LIPN: variants seen among roughly 807,000 people sequenced by gnomAD.
The protein encoded by LIPN is lipase family member N, also known as lipase member N.
Under a neutral mutation model 43.7 loss-of-function variants are expected in LIPN, and 32 were observed. That is an observed-to-expected ratio of 0.73 (90% CI 0.55 to 0.98). The LOEUF is 0.98. Among genes scored for constraint, LIPN ranks in the 50% least tolerant of loss-of-function variants. The pLI, the probability that LIPN is intolerant of heterozygous loss-of-function variation, is 0.00. For synonymous variants in LIPN, 156 were observed against 157.6 expected (o/e 0.99, Z 0.08); for missense variants, 505 against 483.8 (o/e 1.04, Z -0.41).
At chr10:88,776,330 T>G (rs1482625109) in intron 9 of LIPN, among the ~76,000 whole-genome samples, 1 of 151,948 alleles carries the variant, frequency 6.6e-6, no homozygotes, top group Non-Finnish European at 1.5e-5. Context: ...TTTACATATG[T>G]CTGTTTTCTT....
At chr10:88,764,654 TA>T (rs764060260) in intron 4 of LIPN, 46 bp downstream of exon 4, 83 of 1,374,236 alleles carry the variant, frequency 6.0e-5, no homozygotes, top group South Asian at 8.4e-5. Flanking sequence ...GGAGGCAATT[TA>T]AAAAAAATAA....
At chr10:88,770,455 TG>T (rs5786836) in intron 6 of LIPN, among the ~76,000 whole-genome samples, 58,494 of 151,518 alleles carry the variant, frequency 0.39, 11,531 homozygotes, top group Middle Eastern at 0.55. Flanking sequence ...AAGCACTGAC[TG>T]GGCAGAATAC....
chr10:88,770,664 G>A (rs1428588960), intron 6 of LIPN, among the ~76,000 whole-genome samples, 181 bp from the exon 7 acceptor site: 1 of 151,856 alleles, frequency 6.6e-6, no homozygotes, highest in Non-Finnish European at 1.5e-5. Context: ...TGAAAGAAAT[G>A]TCAAGAAGTC....
intron 5 of LIPN, among the ~76,000 whole-genome samples, 152 bp from the exon 6 acceptor site, chr10:88,768,640 A>T (rs1027327401): frequency 6.6e-6 from 1 of 151,910 alleles, no homozygotes; most frequent in Non-Finnish European, 1.5e-5. Context: ...CTGAAGGCAG[A>T]TTATCTTTAT....
intron 5 of LIPN, among the ~76,000 whole-genome samples, chr10:88,767,327 A>C (rs1296669400): frequency 6.6e-6 from 1 of 151,892 alleles, no homozygotes; most frequent in East Asian, 1.9e-4. Flanking sequence ...CAAAGAACTC[A>C]TAGGAGATCA....
At chr10:88,763,641 T>A (rs1843039864) in intron 3 of LIPN, among the ~76,000 whole-genome samples, 1 of 152,052 alleles carries the variant, frequency 6.6e-6, no homozygotes, top group Non-Finnish European at 1.5e-5. Context: ...CCAGGCATGC[T>A]GGCTCCAGAG....
At chr10:88,765,902 G>A (rs1360227066) in intron 4 of LIPN, among the ~76,000 whole-genome samples, 1 of 151,980 alleles carries the variant, frequency 6.6e-6, no homozygotes, top group South Asian at 2.1e-4. Context: ...TTCCAAAGAT[G>A]GGTATTAAAT....
At chr10:88,774,623 G>A (rs2092896428) in intron 8 of LIPN, 79 bp downstream of exon 8, 2 of 1,174,054 alleles carry the variant, frequency 1.7e-6, no homozygotes, top group Non-Finnish European at 1.3e-6. Flanking sequence ...CCTGTTAACA[G>A]GCCTACCCTA....
chr10:88,769,664 G>A, intron 6 of LIPN: 1 of 713,938 alleles, frequency 1.4e-6, no homozygotes, highest in Non-Finnish European at 1.7e-6. Flanking sequence ...AGACCAGTTA[G>A]AATATCAAAA....
At chr10:88,775,501 T>C (rs1318284428) in intron 9 of LIPN, among the ~76,000 whole-genome samples, 1 of 151,950 alleles carries the variant, frequency 6.6e-6, no homozygotes, top group Non-Finnish European at 1.5e-5. Flanking sequence ...AGATAACTAA[T>C]ATAACTGAGG....
intron 5 of LIPN, among the ~76,000 whole-genome samples, chr10:88,768,247 G>A (rs1288066951): frequency 6.6e-6 from 1 of 151,898 alleles, no homozygotes; most frequent in Non-Finnish European, 1.5e-5. Flanking sequence ...GCTAGGGAAA[G>A]CCCCTTTCTT....
chr10:88,773,448 CCTTT>C (rs1288443365), intron 7 of LIPN, among the ~76,000 whole-genome samples: 1 of 151,806 alleles, frequency 6.6e-6, no homozygotes, highest in African/African-American at 2.4e-5. Flanking sequence ...TTCATGTGTT[CCTTT>C]CTTTGTGGGT....
intron 7 of LIPN, 62 bp from the exon 8 acceptor site, chr10:88,774,411 C>A: frequency 9.4e-7 from 1 of 1,066,866 alleles, no homozygotes; most frequent in Non-Finnish European, 1.4e-6. Context: ...TCATTTTTCT[C>A]TGATTCTGAA....
At chr10:88,758,670 G>T (rs1264652683), upstream of LIPN, among the ~76,000 whole-genome samples, 1 of 151,432 alleles carries the variant, frequency 6.6e-6, no homozygotes, top group African/African-American at 2.4e-5. Context: ...GAGTGATGGA[G>T]CATTGTGAGA....
rs773200051 is a variant in LIPN, at chr10:88,762,227, T to A, written c.148T>A (p.Tyr50Asn). 1.2e-6 allele frequency: 2 copies of A among 1,608,532 alleles called. No individual in the cohort carries two copies. Among genetic ancestry groups the A allele is most frequent in the Admixed American group, 3.4e-5 (2 of 59,442 alleles). Residue 50 changes from tyrosine to asparagine, a missense_variant, in exon 3 of 10, where the codon TAT becomes AAT. Tyr to Asn is a moderately radical substitution (Grantham distance 143). Transcript: ENST00000404459. ...CTACAATGGCTACCCCAGTGAAGAGTATGAAGTCACCACTGAAGATGGGTA... is the reference window on the plus strand; with the variant it reads ...CTACAATGGCTACCCCAGTGAAGAGAATGAAGTCACCACTGAAGATGGGTA... Reference protein sequence around the residue: ...IIYNGYPSEEYEVTTEDGYIL... With the variant: ...IIYNGYPSEENEVTTEDGYIL...
chr10:88,772,443 T>C (rs1843225252), intron 7 of LIPN, among the ~76,000 whole-genome samples: 1 of 151,938 alleles, frequency 6.6e-6, no homozygotes, highest in African/African-American at 2.4e-5. Context: ...TGGCAAGAGA[T>C]AGAGATCTAA....
At chr10:88,770,708 T>C (rs1046946446) in intron 6 of LIPN, 137 bp from the exon 7 acceptor site, 154 of 520,954 alleles carry the variant, frequency 3.0e-4, no homozygotes, top group Non-Finnish European at 4.6e-4. Context: ...TTTTTTGCTA[T>C]TGCTATTTGG....
Position 88,778,052 on chromosome 10 carries a change from C to A in LIPN, c.1007C>A (p.Thr336Asn). The A allele has an allele frequency of 6.2e-7, 1 of 1,613,510 alleles. No homozygotes were observed. The highest frequency in any genetic ancestry group is 8.5e-7 in the Non-Finnish European group (1 of 1,179,638). ...GACCTGACTGCCATGAAAGTGCCTA[C>A]TGCTATTTGGGCTGGTGGACATGAT... is the stretch of plus-strand genomic sequence containing the variant. Reference protein sequence around the residue: ...IYDLTAMKVPTAIWAGGHDVL... With the variant: ...IYDLTAMKVPNAIWAGGHDVL... Residue 336 changes from threonine (T) to asparagine (N), a missense_variant, in exon 10 of 10, where the codon ACT becomes AAT. Physicochemically the swap from Thr to Asn is moderately conservative, Grantham distance 65. Coordinates refer to ENST00000404459, the MANE Select transcript of LIPN (RefSeq NM_001102469.2).
intron 7 of LIPN, among the ~76,000 whole-genome samples, chr10:88,772,784 T>C (rs1409584427): frequency 6.6e-6 from 1 of 151,522 alleles, no homozygotes; most frequent in African/African-American, 2.4e-5. Context: ...AACAAATTCA[T>C]TAAATTTGCA....
Sources: allele counts gnomAD v4.1 joint callset (sites outside exome capture counted in the v4.1 genomes callset), GRCh38; gene constraint gnomAD v4.1.1; transcripts MANE v1.5; gene names NCBI Gene and HGNC (gene_info 2026-07-23, HGNC 2026-07-21).